Variants in ZNF451 observed in about 807,000 individuals in gnomAD.
ZNF451 encodes the protein E3 SUMO-protein ligase ZNF451.
In ZNF451, 80 loss-of-function variants were observed where a neutral mutation model predicts 107.1. The ratio of observed to expected loss-of-function variants is 0.75; its 90% CI spans 0.62 to 0.90. ZNF451 has a LOEUF of 0.90. Ranked by LOEUF, ZNF451 falls within the 40% of genes least tolerant of loss-of-function variation. ZNF451 has a pLI of 0.00. For missense variants in ZNF451, 1,107 were observed against 1,236.2 expected, an observed-to-expected ratio of 0.90 and a Z score of 1.57; for synonymous variants, 362 against 406.5, an observed-to-expected ratio of 0.89 and a Z score of 1.32.
In ZNF451 at chr6:57,147,778, G is replaced by A. The variant is rs752210437; in HGVS notation, c.1693G>A (p.Glu565Lys). 5.6e-5 allele frequency: 91 copies of A among 1,613,718 alleles called. No homozygotes were observed. The highest frequency in any genetic ancestry group is 7.7e-5 in the Non-Finnish European group (91 of 1,179,980). ...ACACAGATATTTTTATGAGATGGATGAGGTAGAAGGTGAAACTTTGCCATC... is the reference window on the plus strand; with the variant it reads ...ACACAGATATTTTTATGAGATGGATAAGGTAGAAGGTGAAACTTTGCCATC... ...NGHRYFYEMD[E>K]VEGETLPSSS... The change falls in exon 10 of 15, where the codon GAG becomes AAG. Residue 565 changes from glutamate to lysine, a missense_variant. By Grantham distance (56) the Glu-to-Lys change is moderately conservative. Transcript: ENST00000370706.
intron 5 of ZNF451, among the ~76,000 whole-genome samples, chr6:57,130,598 T>A (rs1008045155): frequency 2.6e-4 from 39 of 152,162 alleles, no homozygotes; most frequent in African/African-American, 8.4e-4. Flanking sequence ...AGTCTGACAC[T>A]TTCAAGTCCT....
Position 57,147,414 on chromosome 6 carries a change from C to T in ZNF451, c.1329C>T (p.Ala443=). 1 of 1,613,850 alleles carries T rather than the reference C, an allele frequency of 6.2e-7. No homozygotes were observed. Among genetic ancestry groups the T allele is most frequent in the Non-Finnish European group, 8.5e-7 (1 of 1,179,926 alleles). ...AATCTAGCTCACTGGAGTGCATTGC[C>T]ATTCCAAAAAAGAAGATGAATTTAA... ...IKESSSLECI[A]IPKKKMNLKD... is the part of the protein sequence containing the mutation. Residue 443 remains alanine (A), a synonymous_variant, in exon 10 of 15, where the codon GCC becomes GCT. Transcript: ENST00000370706.
At chr6:57,107,410 A>T (rs1339432422) in intron 3 of ZNF451, 1 of 985,076 alleles carries the variant, frequency 1.0e-6, no homozygotes. Flanking sequence ...TTTAAAAAAA[A>T]TATAGCCAGT....
Position 57,148,081 on chromosome 6 carries a change from A to G in ZNF451, c.1996A>G (p.Lys666Glu). The change falls in exon 10 of 15, where the codon AAA becomes GAA. Residue 666 changes from lysine (K) to glutamate (E), a missense_variant. Physicochemically the swap from Lys to Glu is moderately conservative, Grantham distance 56. Coordinates refer to ENST00000370706, the MANE Select transcript of ZNF451 (RefSeq NM_001031623.3). Reference protein sequence around the residue: ...QDEHDNEIKIKYFCGLCDLIF... With the variant: ...QDEHDNEIKIEYFCGLCDLIF... ...TGAGCATGACAATGAGATAAAGATTAAATACTTCTGTGGGCTTTGTGATCT... is the reference window on the plus strand; with the variant it reads ...TGAGCATGACAATGAGATAAAGATTGAATACTTCTGTGGGCTTTGTGATCT... 1 of 1,614,120 alleles carries G rather than the reference A, an allele frequency of 6.2e-7. No homozygotes were observed. Among genetic ancestry groups the G allele is most frequent in the Non-Finnish European group, 8.5e-7 (1 of 1,179,994 alleles).
At position 57,124,835 on chromosome 6, in the gene ZNF451, A is replaced by G; in HGVS notation, c.288A>G (p.Lys96=). The change falls in exon 4 of 15, where the codon AAA becomes AAG. Residue 96 remains lysine, a synonymous_variant. Transcript: ENST00000370706. ...ARHVEVEKQQ[K]EEKNRAFREK... ...ATGTTGAAGTGGAGAAACAGCAGAA[A>G]GAAGAGAAGAATAGAGCATTCAGAG... 6.2e-7 allele frequency: 1 copy of G among 1,610,860 alleles called. No homozygotes were observed. The highest frequency in any genetic ancestry group is 8.5e-7 in the Non-Finnish European group (1 of 1,177,886).
intron 3 of ZNF451, chr6:57,103,981 G>C: frequency 2.0e-6 from 2 of 985,284 alleles, no homozygotes; most frequent in Non-Finnish European, 2.4e-6. Flanking sequence ...TCAGGGTACT[G>C]TATTGATCTT....
intron 3 of ZNF451, chr6:57,107,214 C>T: frequency 2.0e-6 from 2 of 985,326 alleles, no homozygotes; most frequent in Non-Finnish European, 2.4e-6. Context: ...CTTTTCTTCT[C>T]CTGTATTCAA....
intron 3 of ZNF451, chr6:57,109,745 A>C: frequency 1.1e-6 from 1 of 916,378 alleles, no homozygotes; most frequent in African/African-American, 1.8e-5. Flanking sequence ...ACAAGCTAAG[A>C]AATGCTCATA....
chr6:57,145,782 G>T (rs1006506276), intron 9 of ZNF451, among the ~76,000 whole-genome samples: 2 of 152,050 alleles, frequency 1.3e-5, no homozygotes, highest in Non-Finnish European at 2.9e-5. Context: ...GTGTCTTTTT[G>T]ATATAATGCT....
chr6:57,135,530 ATG>A (rs1163850357), intron 7 of ZNF451, among the ~76,000 whole-genome samples: 1 of 152,124 alleles, frequency 6.6e-6, no homozygotes, highest in East Asian at 1.9e-4. Flanking sequence ...ATTTTGATAT[ATG>A]TGTTTTTAGT....
chr6:57,090,373 G>A, intron 1 of ZNF451, 99 bp downstream of exon 1: 5 of 1,540,702 alleles, frequency 3.2e-6, no homozygotes, highest in Non-Finnish European at 4.4e-6. Flanking sequence ...GCAGCCTCGG[G>A]GCGATACCTC....
chr6:57,161,618 G>A (rs1489353630), intron 14 of ZNF451, among the ~76,000 whole-genome samples: 1 of 152,090 alleles, frequency 6.6e-6, no homozygotes, highest in Non-Finnish European at 1.5e-5. Flanking sequence ...AAGACAGGCA[G>A]TAGAACTCTA....
At position 57,106,241 on chromosome 6, in the gene ZNF451, T is replaced by C. The variant is rs1829848369; in HGVS notation, c.186+7100T>C. ...AGATATAACTAGTTGACTGGGATTCTGATGAAGGTTTGAAATTATGGATTA... is the reference window on the plus strand; with the variant it reads ...AGATATAACTAGTTGACTGGGATTCCGATGAAGGTTTGAAATTATGGATTA... On this transcript the variant is annotated intron_variant, in intron 3 of 14. Transcript: ENST00000370706. The C allele has an allele frequency of 3.0e-6, 3 of 985,266 alleles. No individual in the cohort carries two copies. The South Asian group carries it at 1.4e-4, about 46-fold the overall frequency. The allele number at this position is 985,266 out of a possible 1,614,324, so 61.0% of individuals were successfully genotyped here. A position where few individuals can be genotyped will look rare whatever the true frequency, so the allele number is the denominator to read the frequency against.
chr6:57,150,951 A>G, intron 11 of ZNF451, 89 bp downstream of exon 11: 2 of 1,430,002 alleles, frequency 1.4e-6, no homozygotes, highest in Non-Finnish European at 1.9e-6. Flanking sequence ...ACCTTCCTGG[A>G]TAGAACATAG....
intron 14 of ZNF451, chr6:57,164,871 AC>A (rs1222866829): frequency 1.3e-5 from 2 of 152,192 alleles, no homozygotes; most frequent in African/African-American, 4.8e-5. Context: ...GAATAGAAAA[AC>A]AAAGACAGAT....
At chr6:57,108,148 T>C in intron 3 of ZNF451, 1 of 985,444 alleles carries the variant, frequency 1.0e-6, no homozygotes, top group Non-Finnish European at 1.2e-6. Flanking sequence ...CTGTATTTGG[T>C]GATATTTTAA....
Position 57,099,079 on chromosome 6 carries a change from G to T in ZNF451, c.124G>T (p.Val42Phe). Residue 42 changes from valine (V) to phenylalanine (F), a missense_variant, in exon 3 of 15, where the codon GTT (valine) becomes TTT (phenylalanine). By Grantham distance (50) the Val-to-Phe change is conservative (BLOSUM62 -1). Around this residue, in one of 5 missense-constraint regions of ZNF451, gnomAD observed 339 missense variants for 372.8 expected, o/e 0.91. Transcript: ENST00000370706. ...TTTATAGGAAGGACCATTACGACCT[G>T]TTCTTGAATACATTGATCTGGTCAG... is the stretch of plus-strand genomic sequence containing the variant. ...QFVSEGPLRP[V>F]LEYIDLVSSD... 6.2e-7 allele frequency: 1 copy of T among 1,613,758 alleles called. No individual in the cohort carries two copies. Among genetic ancestry groups the T allele is most frequent in the Non-Finnish European group, 8.5e-7 (1 of 1,179,756 alleles).
At position 57,150,800 on chromosome 6, in the gene ZNF451, C is replaced by CA; in HGVS notation, c.2693dup (p.Asn898LysfsTer33). On this transcript the variant is annotated frameshift_variant, in exon 11 of 15. Transcript: ENST00000370706. LOFTEE classifies it high-confidence loss of function. ...GTCTTTGTAGATTTTGATAACTGGT[C>CA]AAACTTTTTTGGTCATCTACCAGGG... 1 of 1,613,942 alleles carries CA rather than the reference C, an allele frequency of 6.2e-7. No homozygotes were observed. The highest frequency in any genetic ancestry group is 1.3e-5 in the African/African-American group (1 of 74,992).
intron 3 of ZNF451, among the ~76,000 whole-genome samples, chr6:57,111,132 G>T (rs1331399756): frequency 6.6e-6 from 1 of 152,040 alleles, no homozygotes; most frequent in African/African-American, 2.4e-5. Flanking sequence ...TGTTGGCCAG[G>T]CTGGTCTCGA....
Sources: gnomAD v4.1 joint callset for allele counts (sites outside exome capture counted in the v4.1 genomes callset) on GRCh38, gnomAD v4.1.1 for gene constraint, gnomAD v4.1.1 regional missense constraint, MANE v1.5 for transcripts, NCBI Gene and HGNC (gene_info 2026-07-23, HGNC 2026-07-21) for gene names.